NECAB1: variants seen among roughly 807,000 people sequenced by gnomAD.
NECAB1 encodes the protein N-terminal EF-hand calcium binding protein 1, also known as N-terminal EF-hand calcium-binding protein 1.
Under a neutral mutation model 57.5 loss-of-function variants are expected in NECAB1, and 29 were observed. The observed-to-expected ratio is 0.50, with a 90% confidence interval of 0.38 to 0.69. The LOEUF (loss-of-function observed/expected upper bound fraction) is 0.69, where lower values mean the gene tolerates loss of function less well. Among genes scored for constraint, NECAB1 ranks in the 30% least tolerant of loss-of-function variants. The pLI, the probability that NECAB1 is intolerant of heterozygous loss-of-function variation, is 0.00. For synonymous variants in NECAB1, 142 were observed against 147.7 expected (o/e 0.96, Z 0.28); for missense variants, 372 against 413.8 (o/e 0.90, Z 0.88).
intron 3 of NECAB1, among the ~76,000 whole-genome samples, chr8:90,842,871 T>C (rs1231670920): frequency 6.6e-6 from 1 of 152,204 alleles, no homozygotes. Context: ...TCTAGAAAGG[T>C]TGCCTCAGAA....
At chr8:90,926,292 TTATC>T (rs1328176198) in intron 7 of NECAB1, among the ~76,000 whole-genome samples, 8 of 152,336 alleles carry the variant, frequency 5.3e-5, no homozygotes, top group African/African-American at 1.2e-4. Flanking sequence ...ACACGAGTCT[TTATC>T]TAATATTCAG....
intron 5 of NECAB1, among the ~76,000 whole-genome samples, chr8:90,894,760 A>G (rs191502749): frequency 5.4e-4 from 82 of 152,332 alleles, no homozygotes; most frequent in Non-Finnish European, 6.5e-4. Context: ...TTTTATTTCT[A>G]TAAGGTAGAG....
rs932286635 is a variant in NECAB1, at chr8:90,956,539, T to G, written c.*1027T>G. On this transcript the variant is annotated 3_prime_UTR_variant, in exon 13 of 13. Transcript: ENST00000417640. ...TCTGTAGATAGTATACTATCTACAC[T>G]CTGCTCAACAAGCTCAGAAATTAAA... 2.0e-5 allele frequency: 3 copies of G among 151,824 alleles called. No homozygotes were observed. Among genetic ancestry groups the G allele is most frequent in the Non-Finnish European group, 2.9e-5 (2 of 67,864 alleles). The allele number at this position is 151,824 out of a possible 1,614,324, so 9.4% of individuals were successfully genotyped here.
intron 5 of NECAB1, 83 bp from the exon 6 acceptor site, chr8:90,917,409 G>GGGTA: frequency 8.3e-7 from 1 of 1,201,918 alleles, no homozygotes; most frequent in East Asian, 2.5e-5. Context: ...TGGGATTGAT[G>GGGTA]GGTACATGGT....
At chr8:90,857,624 G>A (rs1211395622) in intron 3 of NECAB1, among the ~76,000 whole-genome samples, 1 of 151,974 alleles carries the variant, frequency 6.6e-6, no homozygotes, top group Admixed American at 6.6e-5. Flanking sequence ...TGTAATTAAA[G>A]AAAAAGAAAT....
At chr8:90,917,987 CAT>C (rs1554575476) in intron 6 of NECAB1, among the ~76,000 whole-genome samples, 3 of 73,182 alleles carry the variant, frequency 4.1e-5, no homozygotes, top group Non-Finnish European at 4.6e-5. Flanking sequence ...TATATATATA[CAT>C]ATATGTGTGT....
At chr8:90,899,795 G>A (rs1370436916) in intron 5 of NECAB1, among the ~76,000 whole-genome samples, 1 of 152,118 alleles carries the variant, frequency 6.6e-6, no homozygotes, top group Non-Finnish European at 1.5e-5. Flanking sequence ...TAATTCAGGT[G>A]GGTGCTTGTT....
intron 2 of NECAB1, among the ~76,000 whole-genome samples, chr8:90,823,609 A>G (rs376166755): frequency 2.6e-5 from 4 of 151,812 alleles, no homozygotes; most frequent in Non-Finnish European, 5.9e-5. Flanking sequence ...AAAATGTTCT[A>G]GATGAATCTA....
intron 2 of NECAB1, among the ~76,000 whole-genome samples, chr8:90,823,795 C>T (rs1812183919): frequency 1.3e-5 from 2 of 151,856 alleles, no homozygotes; most frequent in Admixed American, 1.3e-4. Context: ...CTATCTTTTA[C>T]AGTTATTTGG....
intron 1 of NECAB1, among the ~76,000 whole-genome samples, chr8:90,792,558 T>A (rs757116329): frequency 6.6e-6 from 1 of 152,198 alleles, no homozygotes; most frequent in Non-Finnish European, 1.5e-5. Context: ...TTTCCCTTTT[T>A]CTTCCCTGAT....
chr8:90,928,412 C>T, intron 8 of NECAB1, 113 bp downstream of exon 8: 1 of 695,030 alleles, frequency 1.4e-6, no homozygotes, highest in Admixed American at 3.6e-5. Flanking sequence ...CAGCCAGGAT[C>T]CCAATGATTC....
intron 1 of NECAB1, among the ~76,000 whole-genome samples, chr8:90,796,703 C>G (rs1811666630): frequency 1.3e-5 from 2 of 152,158 alleles, no homozygotes; most frequent in Admixed American, 1.3e-4. Context: ...GTGGTAGCAA[C>G]CTTAAGATCG....
In NECAB1 at chr8:90,812,437, A is replaced by AT. The variant is rs1478097680; in HGVS notation, c.124+10729dup. On this transcript the variant is annotated intron_variant, in intron 2 of 12. Coordinates refer to ENST00000417640, the MANE Select transcript of NECAB1 (RefSeq NM_022351.5). ...TCTCCATGGAAATGACATTAAACGG[A>AT]TTTTTTTCACTAAATTAGGAGCACA... Among the ~76,000 whole-genome samples, 9 of 152,248 alleles carry AT rather than the reference A, an allele frequency of 5.9e-5. No individual in the cohort carries two copies. The East Asian group carries it at 7.7e-4, about 13-fold the overall frequency.
At chr8:90,792,027 CCTTT>C in intron 1 of NECAB1, 42 bp downstream of exon 1, 1 of 1,476,292 alleles carries the variant, frequency 6.8e-7, no homozygotes, top group South Asian at 1.2e-5. Context: ...CTTCCCAGCA[CCTTT>C]CTTTTCCCCG....
At chr8:90,954,256 A>T (rs1285478097) in intron 12 of NECAB1, among the ~76,000 whole-genome samples, 1 of 152,100 alleles carries the variant, frequency 6.6e-6, no homozygotes, top group Admixed American at 6.6e-5. Flanking sequence ...TTTATGGTTA[A>T]GACTACTAAG....
intron 3 of NECAB1, among the ~76,000 whole-genome samples, chr8:90,832,225 G>A (rs1812308307): frequency 1.3e-5 from 2 of 152,104 alleles, no homozygotes; most frequent in South Asian, 2.1e-4. Context: ...ACCCAAAGTG[G>A]TTTTAAAAAC....
intron 5 of NECAB1, among the ~76,000 whole-genome samples, chr8:90,906,893 A>ATATATATATATGTATGTATG (rs1563528290): frequency 1.4e-4 from 19 of 137,510 alleles, no homozygotes; most frequent in Middle Eastern, 3.6e-3. Context: ...ATATATATAT[A>ATATATATATATGTATGTATG]TATATATATA....
intron 5 of NECAB1, among the ~76,000 whole-genome samples, chr8:90,902,394 C>A (rs1424737840): frequency 6.6e-6 from 1 of 152,144 alleles, no homozygotes; most frequent in Non-Finnish European, 1.5e-5. Flanking sequence ...TGCACTCCAG[C>A]CTGGGAGACA....
In NECAB1 at chr8:90,958,294, C is replaced by T. The variant is rs1385350758; in HGVS notation, c.*2782C>T. 2 of 151,566 alleles carry T rather than the reference C, an allele frequency of 1.3e-5. No individual in the cohort carries two copies. Among genetic ancestry groups the T allele is most frequent in the African/African-American group, 4.8e-5 (2 of 41,344 alleles). The allele number at this position is 151,566 out of a possible 1,614,324, so 9.4% of individuals were successfully genotyped here. ...ATATCAGTTTTACTTTGAAATTGCT[C>T]AACTTCTGCTATTCATATGGTCTGA... On this transcript the variant is annotated 3_prime_UTR_variant, in exon 13 of 13. Transcript: ENST00000417640.
Sources: gnomAD v4.1 joint callset for allele counts (sites outside exome capture counted in the v4.1 genomes callset) on GRCh38, gnomAD v4.1.1 for gene constraint, MANE v1.5 for transcripts, NCBI Gene and HGNC (gene_info 2026-07-23, HGNC 2026-07-21) for gene names.